The following GRIN2D variants were observed in gnomAD, a reference collection of about 807,000 sequenced individuals.
GRIN2D encodes the protein glutamate receptor ionotropic, NMDA 2D.
GRIN2D carries 37 observed loss-of-function variants against 103.2 expected under a neutral mutation model. That is an observed-to-expected ratio of 0.36 (90% CI 0.28 to 0.47). The LOEUF (loss-of-function observed/expected upper bound fraction) is 0.47, where lower values mean the gene tolerates loss of function less well. GRIN2D is among the 20% of genes least tolerant of loss of function. The pLI is 1.00. For synonymous variants in GRIN2D, 845 were observed against 885.6 expected, an observed-to-expected ratio of 0.95 and a Z score of 0.81; for missense variants, 1,557 against 1,910.6, an observed-to-expected ratio of 0.81 and a Z score of 3.45.
At position 48,443,328 on chromosome 19, in the gene GRIN2D, C is replaced by G. The variant is rs377403542; in HGVS notation, c.3402C>G (p.Phe1134Leu). 1 of 1,532,796 alleles carries G rather than the reference C, an allele frequency of 6.5e-7. No individual in the cohort carries two copies. The highest frequency in any genetic ancestry group is 1.4e-5 in the African/African-American group (1 of 69,790). 94.9% of individuals were successfully genotyped at this position (1,532,796 alleles called of 1,614,324 possible). A position where few individuals can be genotyped will look rare whatever the true frequency, so the allele number is the denominator to read the frequency against. ...TGGGCGGCCTGGAGCCCTGGTGGTT[C>G]GCCGACTTCCCTTACCCGTATGCCG... is the stretch of plus-strand genomic sequence containing the variant. ...ASLGGLEPWW[F>L]ADFPYPYAER... Residue 1134 changes from phenylalanine to leucine, a missense_variant, in exon 14 of 14, where the codon TTC becomes TTG. This residue lies in a region of GRIN2D where 632 missense variants were observed against 572.8 expected (regional missense o/e 1.10). Coordinates refer to ENST00000263269, the MANE Select transcript of GRIN2D (RefSeq NM_000836.4). This position sits in a 1 kb window ranked among gnomAD's most constrained non-coding sequence, Gnocchi z 8.9.
Position 48,414,629 on chromosome 19 carries a change from C to G in GRIN2D, c.1412+45C>G. 2 of 1,517,104 alleles carry G rather than the reference C, an allele frequency of 1.3e-6. No homozygotes were observed. Among genetic ancestry groups the G allele is most frequent in the Non-Finnish European group, 1.8e-6 (2 of 1,118,216 alleles). 94.0% of individuals were successfully genotyped at this position (1,517,104 alleles called of 1,614,324 possible). A position where few individuals can be genotyped will look rare whatever the true frequency, so the allele number is the denominator to read the frequency against. ...GAGTTCCGGCTCCAAAACCCGCCTCCCGTGAAGCCCAGTAGTCTGGGCCCC... is the reference window on the plus strand; with the variant it reads ...GAGTTCCGGCTCCAAAACCCGCCTCGCGTGAAGCCCAGTAGTCTGGGCCCC... On this transcript the variant is annotated intron_variant, in intron 6 of 13. Transcript: ENST00000263269. This position sits in a 1 kb window ranked among gnomAD's most constrained non-coding sequence, Gnocchi z 4.6.
chr19:48,409,702 T>C (rs76544315), intron 4 of GRIN2D, among the ~76,000 whole-genome samples: 3,283 of 152,200 alleles, frequency 0.022, 130 homozygotes, highest in African/African-American at 0.076. Context: ...AAGGAAGGTA[T>C]GAGTAGCGGA....
intron 10 of GRIN2D, 37 bp downstream of exon 10, chr19:48,419,851 T>A (rs760638913): frequency 4.0e-6 from 5 of 1,243,142 alleles, no homozygotes; most frequent in Non-Finnish European, 5.4e-6. Context: ...GAGCTGGGGC[T>A]GGGGCTGGAG....
rs1970916309 is a variant in GRIN2D, at chr19:48,414,412, C to T, written c.1240C>T (p.Pro414Ser). The T allele has an allele frequency of 6.2e-7, 1 of 1,609,994 alleles. No individual in the cohort carries two copies. Among genetic ancestry groups the T allele is most frequent in the Non-Finnish European group, 8.5e-7 (1 of 1,178,542 alleles). The change falls in exon 6 of 14, where the codon CCG (proline) becomes TCG (serine). Residue 414 changes from proline (P) to serine (S), a missense_variant. By Grantham distance (74) the Pro-to-Ser change is moderately conservative. Transcript: ENST00000263269. This position sits in a 1 kb window ranked among gnomAD's most constrained non-coding sequence, Gnocchi z 4.6. ...WEQQTLRLKY[P>S]LWSRYGRFLQ... ...GCAGCAGACGCTCCGCCTCAAGTAC[C>T]CGCTGTGGTCCCGCTATGGTCGCTT...
At position 48,442,122 on chromosome 19, in the gene GRIN2D, C is replaced by T. The variant is rs1971302415; in HGVS notation, c.2441-28C>T. On this transcript the variant is annotated intron_variant, in intron 12 of 13. Transcript: ENST00000263269. This position sits in a 1 kb window ranked among gnomAD's most constrained non-coding sequence, Gnocchi z 7.2. ...AAGGGTCCTCAGAGGGTACTCATAG[C>T]AGGTGACTTTTGACCGCCCCTCCCT... 2.5e-6 allele frequency: 4 copies of T among 1,596,658 alleles called. No individual in the cohort carries two copies. The highest frequency in any genetic ancestry group is 1.7e-4 in the Middle Eastern group (1 of 6,052).
intron 11 of GRIN2D, among the ~76,000 whole-genome samples, chr19:48,425,034 C>T (rs184028588): frequency 1.7e-3 from 253 of 152,206 alleles, no homozygotes; most frequent in African/African-American, 5.7e-3. Flanking sequence ...CTCTCTCTCT[C>T]TCTCTCTCTC....
Position 48,414,612 on chromosome 19 carries a change from G to A in GRIN2D, c.1412+28G>A. ...GACAGCTCGGGATCCAGGAGTTCCG[G>A]CTCCAAAACCCGCCTCCCGTGAAGC... On this transcript the variant is annotated intron_variant, in intron 6 of 13. Transcript: ENST00000263269. This position sits in a 1 kb window ranked among gnomAD's most constrained non-coding sequence, Gnocchi z 4.6. The A allele has an allele frequency of 6.5e-7, 1 of 1,542,036 alleles. No homozygotes were observed. Among genetic ancestry groups the A allele is most frequent in the Non-Finnish European group, 8.8e-7 (1 of 1,140,292 alleles).
At chr19:48,402,577 C>T (rs561890363) in intron 3 of GRIN2D, among the ~76,000 whole-genome samples, 14 of 151,324 alleles carry the variant, frequency 9.3e-5, no homozygotes, top group Non-Finnish European at 2.1e-4. Flanking sequence ...ATTAGCCGGG[C>T]GCAGTGGCGG....
Position 48,405,114 on chromosome 19 carries a change from C to A in GRIN2D, c.846C>A (p.Gly282=). ...WFMVGPQLAG[G]GGSGAPGEPP... ...TGGTGGGGCCCCAGCTGGCTGGAGG[C>A]GGGGGCTCTGGGGCCCCTGGTGAGC... is the stretch of plus-strand genomic sequence containing the variant. Residue 282 remains glycine (G), a synonymous_variant, in exon 4 of 14, where the codon GGC becomes GGA. Coordinates refer to ENST00000263269, the MANE Select transcript of GRIN2D (RefSeq NM_000836.4). This position sits in a 1 kb window ranked among gnomAD's most constrained non-coding sequence, Gnocchi z 5.1. 6.3e-7 allele frequency: 1 copy of A among 1,584,960 alleles called. No individual in the cohort carries two copies. Among genetic ancestry groups the A allele is most frequent in the Non-Finnish European group, 8.6e-7 (1 of 1,165,886 alleles).
At position 48,414,663 on chromosome 19, in the gene GRIN2D, TC is replaced by T; in HGVS notation, c.1412+81del. 3 of 1,386,426 alleles carry T rather than the reference TC, an allele frequency of 2.2e-6. No homozygotes were observed. Among genetic ancestry groups the T allele is most frequent in the Non-Finnish European group, 3.0e-6 (3 of 1,007,200 alleles). The allele number at this position is 1,386,426 out of a possible 1,614,324, so 85.9% of individuals were successfully genotyped here. On this transcript the variant is annotated intron_variant, in intron 6 of 13. Transcript: ENST00000263269. The surrounding 1 kb of genome is among the most constrained non-coding windows in gnomAD (Gnocchi z 4.6). ...CCAGTAGTCTGGGCCCCCAGCCCCC[TC>T]CTCCCTTGGGACCCAGGACCCACAA...
At chr19:48,417,699 C>T (rs1970963949) in intron 8 of GRIN2D, among the ~76,000 whole-genome samples, 1 of 152,162 alleles carries the variant, frequency 6.6e-6, no homozygotes, top group South Asian at 2.1e-4. Flanking sequence ...TGACAAGGTC[C>T]TATTTATGCC....
At chr19:48,398,088 CT>C (rs1970663956) in intron 2 of GRIN2D, among the ~76,000 whole-genome samples, 1 of 151,432 alleles carries the variant, frequency 6.6e-6, no homozygotes, top group Non-Finnish European at 1.5e-5. Context: ...CCGTCTCCCC[CT>C]CTCTCTCCCC....
chr19:48,403,850 G>A (rs924687542), intron 3 of GRIN2D, among the ~76,000 whole-genome samples: 5 of 152,164 alleles, frequency 3.3e-5, no homozygotes, highest in African/African-American at 1.2e-4. Flanking sequence ...TTCCCTTACC[G>A]GATGCTGGTT....
intron 11 of GRIN2D, among the ~76,000 whole-genome samples, chr19:48,438,392 G>A (rs558508670): frequency 2.9e-5 from 4 of 136,236 alleles, no homozygotes; most frequent in East Asian, 2.3e-4. Context: ...TCTGCCTCCC[G>A]AGTTCAAACG....
At chr19:48,399,946 G>C (rs1970689685) in intron 3 of GRIN2D, among the ~76,000 whole-genome samples, 1 of 152,064 alleles carries the variant, frequency 6.6e-6, no homozygotes, top group African/African-American at 2.4e-5. Context: ...GGAGGAAGCC[G>C]GTCCTGAGAG....
rs1336039075 is a variant in GRIN2D, at chr19:48,443,724, G to C, written c.3798G>C (p.Ala1266=). The C allele has an allele frequency of 7.5e-7, 1 of 1,331,514 alleles. No individual in the cohort carries two copies. 82.5% of individuals were successfully genotyped at this position (1,331,514 alleles called of 1,614,324 possible). ...GGGGCTGGGACCTCCCGCCGCCCGC[G>C]CCCACCTCGCGCTCGCTCGAGGACC... ...AAGGWDLPPP[A]PTSRSLEDLS... Residue 1266 remains alanine (A), a synonymous_variant, in exon 14 of 14, where the codon GCG becomes GCC. Transcript: ENST00000263269. The surrounding 1 kb of genome is among the most constrained non-coding windows in gnomAD (Gnocchi z 8.9).
At chr19:48,406,569 GA>G (rs967750900) in intron 4 of GRIN2D, among the ~76,000 whole-genome samples, 2 of 152,198 alleles carry the variant, frequency 1.3e-5, no homozygotes, top group African/African-American at 2.4e-5. Context: ...AAGAGGATGA[GA>G]AAAGCATCCC....
rs974025013 is a variant in GRIN2D at position 48,394,262 on chromosome 19, G to A, written c.-306+394G>A. Among the ~76,000 whole-genome samples, 3 of 151,864 alleles carry A rather than the reference G, an allele frequency of 2.0e-5. No homozygotes were observed. Among genetic ancestry groups the A allele is most frequent in the African/African-American group, 4.8e-5 (2 of 41,338 alleles). ...GAATCCCAGGGAAGTGAGATCGTGC[G>A]TGTGTGCGTGAGTGTATGTGTGTTT... On this transcript the variant is annotated intron_variant, in intron 1 of 13. Coordinates refer to ENST00000263269, the MANE Select transcript of GRIN2D (RefSeq NM_000836.4). The surrounding 1 kb of genome is among the most constrained non-coding windows in gnomAD (Gnocchi z 5.1).
At chr19:48,436,726 G>A (rs1416238883) in intron 11 of GRIN2D, among the ~76,000 whole-genome samples, 2 of 152,230 alleles carry the variant, frequency 1.3e-5, no homozygotes, top group African/African-American at 4.8e-5. Flanking sequence ...CAAGGTGAGA[G>A]AGTGAGTCAG....
Sources: allele counts gnomAD v4.1 joint callset (sites outside exome capture counted in the v4.1 genomes callset), GRCh38; gene constraint gnomAD v4.1.1; regional missense constraint gnomAD v4.1.1; non-coding constraint Gnocchi (gnomAD v3.1); transcripts MANE v1.5; gene names NCBI Gene and HGNC (gene_info 2026-07-23, HGNC 2026-07-21).